Variants in SLIT2 observed in about 807,000 individuals in gnomAD.
SLIT2 encodes the protein slit homolog 2 protein.
SLIT2 carries 41 observed loss-of-function variants against 185.7 expected under a neutral mutation model. The ratio of observed to expected loss-of-function variants is 0.22; its 90% CI spans 0.17 to 0.29. The LOEUF is 0.29. Ranked by LOEUF, SLIT2 falls within the 10% of genes least tolerant of loss-of-function variation. The pLI is 1.00. For missense variants in SLIT2, 1,571 were observed against 1,909.0 expected (o/e 0.82, Z 3.30); for synonymous variants, 693 against 680.2 (o/e 1.02, Z -0.29).
At chr4:20,430,639 G>C (rs564856336) in intron 4 of SLIT2, among the ~76,000 whole-genome samples, 1 of 152,280 alleles carries the variant, frequency 6.6e-6, no homozygotes, top group African/African-American at 2.4e-5. Flanking sequence ...TATGTATCCT[G>C]TTGTATAAAA....
At chr4:20,381,812 T>C (rs1226553368) in intron 4 of SLIT2, among the ~76,000 whole-genome samples, 1 of 151,954 alleles carries the variant, frequency 6.6e-6, no homozygotes, top group Non-Finnish European at 1.5e-5. Context: ...AAGGAGAGAA[T>C]ACTTCTCAAT....
chr4:20,501,266 A>G (rs1311112293), intron 9 of SLIT2, among the ~76,000 whole-genome samples: 1 of 152,152 alleles, frequency 6.6e-6, no homozygotes, highest in Non-Finnish European at 1.5e-5. Context: ...GTGTTTCCAC[A>G]GAAGAAGCTT....
intron 29 of SLIT2, among the ~76,000 whole-genome samples, chr4:20,588,985 A>G (rs145476966): frequency 1.2e-4 from 19 of 152,330 alleles, no homozygotes; most frequent in Admixed American, 1.1e-3. Context: ...ATGATCCACA[A>G]GAAGGAAACC....
intron 26 of SLIT2, 107 bp downstream of exon 26, chr4:20,554,075 A>G (rs1303181405): frequency 2.1e-6 from 2 of 933,070 alleles, no homozygotes; most frequent in Admixed American, 2.7e-5. Context: ...TGCCCAGTAA[A>G]TGATTATTTT....
At chr4:20,611,352 A>G (rs968474621) in intron 34 of SLIT2, among the ~76,000 whole-genome samples, 2 of 152,184 alleles carry the variant, frequency 1.3e-5, no homozygotes, top group Admixed American at 6.5e-5. Context: ...AAACAGTTGG[A>G]AGTCTTTGGT....
chr4:20,414,166 T>G (rs904204849), intron 4 of SLIT2, among the ~76,000 whole-genome samples: 1 of 152,182 alleles, frequency 6.6e-6, no homozygotes, highest in African/African-American at 2.4e-5. Context: ...TAGCTTCTGC[T>G]CTGCAGATTA....
chr4:20,412,204 TAAAA>T (rs548038361), intron 4 of SLIT2, among the ~76,000 whole-genome samples: 2 of 146,536 alleles, frequency 1.4e-5, no homozygotes, highest in Admixed American at 1.4e-4. Context: ...CTTGGTTAAT[TAAAA>T]AAAAAAAGAA....
chr4:20,534,156 A>G (rs774303034), intron 18 of SLIT2, among the ~76,000 whole-genome samples: 1 of 152,060 alleles, frequency 6.6e-6, no homozygotes, highest in Non-Finnish European at 1.5e-5. Context: ...ACCTCTCTAT[A>G]CTATACTTCT....
chr4:20,417,847 CCTT>C (rs993551205), intron 4 of SLIT2, among the ~76,000 whole-genome samples: 27 of 152,228 alleles, frequency 1.8e-4, no homozygotes, highest in African/African-American at 6.3e-4. Context: ...ATAGCCAACT[CCTT>C]CTTATCCCTT....
chr4:20,570,903 A>C (rs1377995737), intron 29 of SLIT2, among the ~76,000 whole-genome samples: 3 of 151,542 alleles, frequency 2.0e-5, no homozygotes, highest in Non-Finnish European at 4.4e-5. Context: ...TAGATTTGCT[A>C]TTCCTTATTC....
At chr4:20,578,712 T>C (rs1477426444) in intron 29 of SLIT2, among the ~76,000 whole-genome samples, 1 of 152,224 alleles carries the variant, frequency 6.6e-6, no homozygotes, top group Non-Finnish European at 1.5e-5. Context: ...AGCAACACCA[T>C]GTACTGCTAT....
intron 4 of SLIT2, among the ~76,000 whole-genome samples, chr4:20,271,988 C>T (rs1008751081): frequency 6.6e-6 from 1 of 152,028 alleles, no homozygotes; most frequent in Non-Finnish European, 1.5e-5. Flanking sequence ...TATGCTTTTC[C>T]TTTGCTGTCT....
At chr4:20,523,927 C>T in intron 13 of SLIT2, 24 bp downstream of exon 13, 1 of 1,613,452 alleles carries the variant, frequency 6.2e-7, no homozygotes, top group Non-Finnish European at 8.5e-7. Context: ...ATTTGGATCA[C>T]TTTTGATGAC....
intron 4 of SLIT2, among the ~76,000 whole-genome samples, chr4:20,403,117 C>T (rs2109403883): frequency 6.6e-6 from 1 of 151,860 alleles, no homozygotes; most frequent in Middle Eastern, 3.4e-3. Context: ...GATCCAGATG[C>T]AACTTGAAAA....
At chr4:20,597,764 C>T (rs1451907542) in intron 32 of SLIT2, among the ~76,000 whole-genome samples, 2 of 152,158 alleles carry the variant, frequency 1.3e-5, no homozygotes, top group Non-Finnish European at 2.9e-5. Flanking sequence ...ATGAGAACCA[C>T]ACAGTGATGT....
chr4:20,535,176 G>A (rs1464669035), intron 18 of SLIT2, among the ~76,000 whole-genome samples: 2 of 151,992 alleles, frequency 1.3e-5, no homozygotes, highest in African/African-American at 2.4e-5. Flanking sequence ...GTACATGCCT[G>A]TAGTCCCAGC....
intron 4 of SLIT2, among the ~76,000 whole-genome samples, chr4:20,315,837 A>G (rs899608854): frequency 8.5e-5 from 13 of 152,074 alleles, no homozygotes; most frequent in African/African-American, 3.1e-4. Context: ...GGCTTTTAAT[A>G]CATACACACA....
intron 9 of SLIT2, among the ~76,000 whole-genome samples, chr4:20,501,297 G>T (rs1250563937): frequency 1.3e-5 from 2 of 151,850 alleles, no homozygotes; most frequent in Non-Finnish European, 2.9e-5. Flanking sequence ...TTTTTTTTGG[G>T]GGGAGGAGGT....
chr4:20,256,612 A>T, intron 1 of SLIT2, 60 bp from the exon 2 acceptor site: 1 of 836,898 alleles, frequency 1.2e-6, no homozygotes, highest in Non-Finnish European at 2.0e-6. Context: ...TCTAAACTTT[A>T]CTTGAAGCAG....
Sources: gnomAD v4.1 joint callset for allele counts (sites outside exome capture counted in the v4.1 genomes callset) on GRCh38, gnomAD v4.1.1 for gene constraint, MANE v1.5 for transcripts, NCBI Gene and HGNC (gene_info 2026-07-23, HGNC 2026-07-21) for gene names.